Variants in MEGF6 observed in about 807,000 individuals in gnomAD.
The protein encoded by MEGF6 is multiple epidermal growth factor-like domains protein 6.
MEGF6 carries 184 observed loss-of-function variants against 207.1 expected under a neutral mutation model. The observed-to-expected ratio is 0.89, with a 90% confidence interval of 0.79 to 1.00. The LOEUF is 1.00. Among genes scored for constraint, MEGF6 ranks in the 50% least tolerant of loss-of-function variants. The pLI is 0.00. For missense variants in MEGF6, 2,282 were observed against 2,202.9 expected, an observed-to-expected ratio of 1.04 and a Z score of -0.72; for synonymous variants, 1,038 against 910.0, an observed-to-expected ratio of 1.14 and a Z score of -2.53.
intron 4 of MEGF6, among the ~76,000 whole-genome samples, chr1:3,548,238 C>T (rs1327366121): frequency 2.0e-5 from 3 of 152,214 alleles, no homozygotes; most frequent in Admixed American, 2.0e-4. Flanking sequence ...GAACACAGCG[C>T]GGGCCTTTCC....
At chr1:3,493,739 C>T (rs1403360485) in intron 34 of MEGF6, 32 bp downstream of exon 34, 2 of 1,604,278 alleles carry the variant, frequency 1.2e-6, no homozygotes, top group Non-Finnish European at 8.5e-7. Context: ...GACCCACACC[C>T]ACGCCCTTCC....
intron 2 of MEGF6, 44 bp from the exon 3 acceptor site, chr1:3,595,491 G>A: frequency 2.7e-6 from 4 of 1,508,138 alleles, no homozygotes; most frequent in South Asian, 2.2e-5. Flanking sequence ...TCGCGGGACT[G>A]GCTGTATTCG....
chr1:3,546,448 G>A (rs1022408603), intron 4 of MEGF6, among the ~76,000 whole-genome samples: 6 of 152,242 alleles, frequency 3.9e-5, no homozygotes, highest in Admixed American at 1.3e-4. Context: ...TGTCAGGAGT[G>A]GGGAGCGAGT....
intron 3 of MEGF6, among the ~76,000 whole-genome samples, chr1:3,584,853 C>T (rs1557796183): frequency 6.6e-6 from 1 of 152,254 alleles, no homozygotes; most frequent in Non-Finnish European, 1.5e-5. Flanking sequence ...AGCACCTGCA[C>T]ACCCCCTGGA....
chr1:3,506,078 A>G (rs2247236), intron 15 of MEGF6, 30 bp downstream of exon 15: 246,583 of 1,567,900 alleles, frequency 0.16, 20,518 homozygotes, highest in Admixed American at 0.23. Flanking sequence ...TGCCACCACC[A>G]TGGACACTGG....
chr1:3,607,425 C>G (rs1234092645), intron 1 of MEGF6, among the ~76,000 whole-genome samples: 1 of 152,080 alleles, frequency 6.6e-6, no homozygotes, highest in Non-Finnish European at 1.5e-5. Context: ...TGCAGTGACC[C>G]CCAACAAAAT....
chr1:3,524,055 TG>T, intron 5 of MEGF6, 68 bp downstream of exon 5: 1 of 1,549,058 alleles, frequency 6.5e-7, no homozygotes, highest in Non-Finnish European at 8.8e-7. Context: ...AGGCCAGGCC[TG>T]GGCACACCCC....
At chr1:3,579,989 G>T in intron 3 of MEGF6, 60 bp from the exon 4 acceptor site, 2 of 1,253,372 alleles carry the variant, frequency 1.6e-6, no homozygotes, top group Non-Finnish European at 2.2e-6. Flanking sequence ...AGGGGGAGGT[G>T]AGGCCTGAGG....
At chr1:3,623,226 G>A in the MEGF6 span, 3 of 149,520 alleles carry the variant, frequency 2.0e-5, no homozygotes, top group African/African-American at 7.4e-5. Context: ...TGGAATCTCT[G>A]GTTCCAGTTG....
intron 4 of MEGF6, among the ~76,000 whole-genome samples, chr1:3,528,493 T>A (rs1225737697): frequency 6.6e-6 from 1 of 152,112 alleles, no homozygotes; most frequent in Non-Finnish European, 1.5e-5. Context: ...CACATCCTCA[T>A]CCACAGACCC....
At chr1:3,579,371 G>A (rs1290000391) in intron 4 of MEGF6, among the ~76,000 whole-genome samples, 10 of 152,212 alleles carry the variant, frequency 6.6e-5, no homozygotes, top group East Asian at 1.9e-4. Flanking sequence ...GGGCCTGTGC[G>A]GGAGTCCCAT....
intron 1 of MEGF6, among the ~76,000 whole-genome samples, chr1:3,607,787 C>T (rs1057216936): frequency 1.3e-5 from 2 of 152,356 alleles, no homozygotes; most frequent in East Asian, 1.9e-4. Context: ...CTGGTGCAGT[C>T]GGAGGCGGAA....
chr1:3,578,270 A>T (rs139774765), intron 4 of MEGF6, among the ~76,000 whole-genome samples: 253 of 152,338 alleles, frequency 1.7e-3, no homozygotes, highest in African/African-American at 5.6e-3. Context: ...TTCCGCGTGA[A>T]ACCAAAGTCA....
At chr1:3,497,630 A>T in intron 26 of MEGF6, 1 of 644,954 alleles carries the variant, frequency 1.6e-6, no homozygotes, top group Non-Finnish European at 2.9e-6. Flanking sequence ...GGCTGCAGGG[A>T]CGAGACAGAT....
chr1:3,592,767 G>T (rs1644000088), intron 3 of MEGF6, among the ~76,000 whole-genome samples: 1 of 151,974 alleles, frequency 6.6e-6, no homozygotes, highest in Non-Finnish European at 1.5e-5. Flanking sequence ...GGCCAGAGAA[G>T]GAGATCACAG....
intron 30 of MEGF6, 39 bp from the exon 31 acceptor site, chr1:3,494,780 G>A (rs762321210): frequency 6.9e-5 from 104 of 1,514,614 alleles, no homozygotes; most frequent in Non-Finnish European, 1.2e-5. Flanking sequence ...AGCTCTGGCC[G>A]AGGGCTGGGC....
At position 3,488,482 on chromosome 1, in the gene MEGF6, A is replaced by G. The variant is rs1640228034; in HGVS notation, c.*2046T>C. ...CATTTGGGAACTGTGGTGACTGAAT[A>G]TCTCAGAGCACCCTCCTGGCTTCTT... On this transcript the variant is annotated 3_prime_UTR_variant, in exon 37 of 37. Coordinates refer to ENST00000356575, the MANE Select transcript of MEGF6 (RefSeq NM_001409.4). 6.6e-6 allele frequency among the ~76,000 whole-genome samples: 1 copy of G among 152,350 alleles called. No homozygotes were observed. Among genetic ancestry groups the G allele is most frequent in the Non-Finnish European group, 1.5e-5 (1 of 68,032 alleles).
intron 2 of MEGF6, among the ~76,000 whole-genome samples, chr1:3,602,234 G>C (rs1267282768): frequency 2.0e-5 from 3 of 152,196 alleles, no homozygotes; most frequent in Non-Finnish European, 4.4e-5. Flanking sequence ...CCCTCACAAA[G>C]GACTCAGGTG....
rs558665647 is a variant in MEGF6, at chr1:3,509,859, G to A, written c.1357+11C>T. 24 of 1,550,420 alleles carry A rather than the reference G, an allele frequency of 1.5e-5. No homozygotes were observed. The East Asian group carries it at 2.4e-4, about 16-fold the overall frequency. On this transcript the variant is annotated intron_variant, in intron 11 of 36. Transcript: ENST00000356575. ...CAGAGGCCGGTGCTCCGCGGAGGGCGGGAGACTCACGGCTGCAGCCCCTAC... is the reference window on the plus strand; with the variant it reads ...CAGAGGCCGGTGCTCCGCGGAGGGCAGGAGACTCACGGCTGCAGCCCCTAC...
Sources: allele counts gnomAD v4.1 joint callset (sites outside exome capture counted in the v4.1 genomes callset), GRCh38; gene constraint gnomAD v4.1.1; transcripts MANE v1.5; gene names NCBI Gene and HGNC (gene_info 2026-07-23, HGNC 2026-07-21).